PTPN9: variants seen among roughly 807,000 people sequenced by gnomAD.
PTPN9 encodes the protein protein tyrosine phosphatase non-receptor type 9.
Under a neutral mutation model 69.8 loss-of-function variants are expected in PTPN9, and 26 were observed. The observed-to-expected ratio is 0.37, with a 90% CI of 0.27 to 0.52. The LOEUF (loss-of-function observed/expected upper bound fraction) is 0.52, where lower values mean the gene tolerates loss of function less well. PTPN9 is among the 20% of genes least tolerant of loss of function. PTPN9 has a pLI of 0.91. For missense variants in PTPN9, 549 were observed against 740.3 expected, an observed-to-expected ratio of 0.74 and a Z score of 3.00; for synonymous variants, 274 against 272.5, an observed-to-expected ratio of 1.01 and a Z score of -0.05.
chr15:75,570,841 G>T (rs2075145301), intron 1 of PTPN9, among the ~76,000 whole-genome samples: 1 of 151,992 alleles, frequency 6.6e-6, no homozygotes, highest in Admixed American at 6.6e-5. Flanking sequence ...CTATAAAAAT[G>T]CAAGATAATA....
chr15:75,480,887 T>A (rs373481831), intron 8 of PTPN9: 7 of 266,248 alleles, frequency 2.6e-5, no homozygotes, highest in East Asian at 6.7e-5. Flanking sequence ...TCTGCCCGGC[T>A]GCCACCCCGT....
At chr15:75,524,438 G>A in intron 2 of PTPN9, 140 bp from the exon 3 acceptor site, 1 of 524,738 alleles carries the variant, frequency 1.9e-6, no homozygotes, top group Admixed American at 3.1e-5. Context: ...AATAAATTTT[G>A]TAACTAATTT....
rs748847139 is a variant in PTPN9, at chr15:75,524,202, CA to C, written c.297+6del. ...AGGCCCTACAAGATAGGTCCCTAAACACTCACTAAGATGGTGAATTTTCCAC... is the reference window on the plus strand; with the variant it reads ...AGGCCCTACAAGATAGGTCCCTAAACCTCACTAAGATGGTGAATTTTCCAC... On this transcript the variant is annotated splice_donor_region_variant and intron_variant, in intron 3 of 12. Coordinates refer to ENST00000618819, the MANE Select transcript of PTPN9 (RefSeq NM_002833.4). The C allele has an allele frequency of 6.4e-7, 1 of 1,566,074 alleles. No individual in the cohort carries two copies. Among genetic ancestry groups the C allele is most frequent in the Admixed American group, 1.7e-5 (1 of 59,212 alleles).
chr15:75,539,662 T>C (rs1330724290), intron 1 of PTPN9, among the ~76,000 whole-genome samples: 1 of 151,668 alleles, frequency 6.6e-6, no homozygotes, highest in Non-Finnish European at 1.5e-5. Context: ...CCCATTTGAA[T>C]ATGTGAACTT....
Position 75,527,203 on chromosome 15 carries a change from G to A in PTPN9, c.122C>T (p.Pro41Leu), listed in dbSNP as rs1405039827. The change falls in exon 2 of 13, where the codon CCG (proline) becomes CTG (leucine). Residue 41 changes from proline to leucine, a missense_variant. Around this residue, in one of 3 missense-constraint regions of PTPN9, gnomAD observed 457 missense variants for 661.9 expected, o/e 0.69. Coordinates refer to ENST00000618819, the MANE Select transcript of PTPN9 (RefSeq NM_002833.4). ...CTTGACAGCCACATTCCAAGACAGC[G>A]GGGAAACATTGTACTGAACTGTCCA... is the stretch of plus-strand genomic sequence containing the variant. ...NKWTVQYNVS[P>L]LSWNVAVKFL... is the part of the protein sequence containing the mutation. 1.2e-5 allele frequency: 19 copies of A among 1,613,998 alleles called. No individual in the cohort carries two copies. The highest frequency in any genetic ancestry group is 2.7e-5 in the African/African-American group (2 of 74,908).
At chr15:75,564,071 C>T (rs946195124) in intron 1 of PTPN9, among the ~76,000 whole-genome samples, 1 of 151,038 alleles carries the variant, frequency 6.6e-6, no homozygotes, top group African/African-American at 2.4e-5. Context: ...TTATTATGTA[C>T]ATTATGTCTT....
At chr15:75,475,414 A>G (rs1285132151) in intron 9 of PTPN9, among the ~76,000 whole-genome samples, 1 of 152,146 alleles carries the variant, frequency 6.6e-6, no homozygotes, top group Non-Finnish European at 1.5e-5. Flanking sequence ...CCCCGTCTCT[A>G]CTAAAAATAT....
intron 1 of PTPN9, among the ~76,000 whole-genome samples, chr15:75,577,158 C>G (rs903748394): frequency 2.6e-5 from 4 of 152,156 alleles, no homozygotes; most frequent in Non-Finnish European, 5.9e-5. Context: ...CAAAGTAAAG[C>G]CAATACCATG....
At position 75,472,454 on chromosome 15, in the gene PTPN9, C is replaced by T. The variant is rs373769509; in HGVS notation, c.1208+1235G>A. On this transcript the variant is annotated intron_variant, in intron 10 of 12. Transcript: ENST00000618819. ...TCCAGCCTGGGCGACAGTGAGACTC[C>T]GTCTCAAAAATAAAATAAAATAAAA... 3.3e-4 allele frequency among the ~76,000 whole-genome samples: 49 copies of T among 148,852 alleles called. 1 individual carries two copies. Among genetic ancestry groups the T allele is most frequent in the African/African-American group, 1.1e-3 (46 of 40,336 alleles).
intron 1 of PTPN9, among the ~76,000 whole-genome samples, chr15:75,537,442 CTAAAAA>C (rs1273926117): frequency 6.0e-5 from 3 of 49,754 alleles, no homozygotes; most frequent in African/African-American, 3.8e-4. Context: ...AATATCTTCC[CTAAAAA>C]AAAAAAAAAA....
intron 1 of PTPN9, among the ~76,000 whole-genome samples, chr15:75,545,792 T>C (rs2075029839): frequency 6.6e-6 from 1 of 152,046 alleles, no homozygotes; most frequent in Non-Finnish European, 1.5e-5. Context: ...CTACTAAAAA[T>C]ACAAAAATTA....
rs374926243 is a variant in PTPN9 at position 75,483,516 on chromosome 15, T to C, written c.1063-3602A>G. On this transcript the variant is annotated intron_variant, in intron 8 of 12. Coordinates refer to ENST00000618819, the MANE Select transcript of PTPN9 (RefSeq NM_002833.4). ...ATGAGATCCCTAGAACAGGCAAATC[T>C]ATGGAGATAGGAAATAAATCAGAGT... Among the ~76,000 whole-genome samples, 14 of 152,260 alleles carry C rather than the reference T, an allele frequency of 9.2e-5. 1 individual carries two copies. The highest frequency in any genetic ancestry group is 3.9e-4 in the East Asian group (2 of 5,182).
At chr15:75,558,574 G>T (rs1157068762) in intron 1 of PTPN9, among the ~76,000 whole-genome samples, 3 of 152,046 alleles carry the variant, frequency 2.0e-5, no homozygotes, top group South Asian at 2.1e-4. Flanking sequence ...TCCCTCTGAC[G>T]CCGAGCCGAA....
chr15:75,469,036 C>G, intron 12 of PTPN9, 53 bp from the exon 13 acceptor site: 3 of 1,470,096 alleles, frequency 2.0e-6, no homozygotes, highest in Non-Finnish European at 1.9e-6. Context: ...CTCTTCCTCC[C>G]TCTACCAAAT....
rs531043869 is a variant in PTPN9, at chr15:75,472,255, C to A, written c.1209-1425G>T. Among the ~76,000 whole-genome samples, 349 of 149,862 alleles carry A rather than the reference C, an allele frequency of 2.3e-3. 1 individual carries two copies. The highest frequency in any genetic ancestry group is 8.1e-3 in the African/African-American group (329 of 40,710). ...CAGGCGGATCACGAGGTCAGGAGAT[C>A]GAGCCCATCCTGGCTAACACGGTGA... On this transcript the variant is annotated intron_variant, in intron 10 of 12. Transcript: ENST00000618819.
intron 9 of PTPN9, among the ~76,000 whole-genome samples, 172 bp from the exon 10 acceptor site, chr15:75,473,939 A>G (rs2141287874): frequency 6.6e-6 from 1 of 152,252 alleles, no homozygotes. Flanking sequence ...TCACACCAGC[A>G]TCGTATGGGA....
intron 9 of PTPN9, among the ~76,000 whole-genome samples, chr15:75,477,429 T>C (rs1336512415): frequency 6.6e-6 from 1 of 151,980 alleles, no homozygotes; most frequent in Non-Finnish European, 1.5e-5. Flanking sequence ...ACCCTGTCTC[T>C]ACCAAAAATA....
chr15:75,494,127 A>G (rs1162703134), intron 7 of PTPN9, among the ~76,000 whole-genome samples: 1 of 102,996 alleles, frequency 9.7e-6, no homozygotes, highest in African/African-American at 4.3e-5. Context: ...AAGTTTATCA[A>G]TCCCATATAT....
intron 1 of PTPN9, among the ~76,000 whole-genome samples, chr15:75,556,683 T>C (rs2075079087): frequency 6.6e-6 from 1 of 152,198 alleles, no homozygotes; most frequent in South Asian, 2.1e-4. Flanking sequence ...GGCCGCATTT[T>C]CTTTATTGTG....
Sources: allele counts gnomAD v4.1 joint callset (sites outside exome capture counted in the v4.1 genomes callset), GRCh38; gene constraint gnomAD v4.1.1; regional missense constraint gnomAD v4.1.1; transcripts MANE v1.5; gene names NCBI Gene and HGNC (gene_info 2026-07-23, HGNC 2026-07-21).